The following INSC variants were observed in gnomAD, a reference collection of about 807,000 sequenced individuals.
The protein encoded by INSC is protein inscuteable homolog.
Under a neutral mutation model 58.6 loss-of-function variants are expected in INSC, and 67 were observed. The observed-to-expected ratio is 1.14, with a 90% CI of 0.94 to 1.40. The LOEUF (loss-of-function observed/expected upper bound fraction) is 1.40, where lower values mean the gene tolerates loss of function less well. Among genes scored for constraint, INSC ranks in the 40% most tolerant of loss-of-function variants. INSC has a pLI of 0.00. For missense variants in INSC, 714 were observed against 692.0 expected (o/e 1.03, Z -0.36); for synonymous variants, 262 against 276.1 (o/e 0.95, Z 0.51).
chr11:15,216,677 G>T (rs1344707514), intron 7 of INSC, among the ~76,000 whole-genome samples: 1 of 152,224 alleles, frequency 6.6e-6, no homozygotes, highest in Non-Finnish European at 1.5e-5. Flanking sequence ...GTTCTGGGCT[G>T]CATGACTGAT....
intron 8 of INSC, among the ~76,000 whole-genome samples, chr11:15,223,301 C>T (rs1368829269): frequency 3.3e-5 from 5 of 152,194 alleles, no homozygotes; most frequent in East Asian, 3.8e-4. Context: ...TGCTTCACTG[C>T]CCAGGCTGGG....
At chr11:15,261,456 T>A in the INSC span, among the ~76,000 whole-genome samples, 4 of 152,286 alleles carry the variant, frequency 2.6e-5, 1 homozygote, top group Middle Eastern at 0.01. Flanking sequence ...CCACATAAAC[T>A]CCATAATCTT....
At chr11:15,160,275 C>T (rs897246781) in intron 2 of INSC, among the ~76,000 whole-genome samples, 2 of 152,062 alleles carry the variant, frequency 1.3e-5, no homozygotes. Context: ...TGTGTAGAAG[C>T]CAGCAAGGTG....
intron 7 of INSC, among the ~76,000 whole-genome samples, chr11:15,215,063 G>T (rs2133915913): frequency 6.6e-6 from 1 of 152,272 alleles, no homozygotes; most frequent in African/African-American, 2.4e-5. Flanking sequence ...CCCACTCCCT[G>T]GGAAGAATCT....
At chr11:15,113,998 C>T (rs1405840279), upstream of INSC, among the ~76,000 whole-genome samples, 1 of 151,718 alleles carries the variant, frequency 6.6e-6, no homozygotes, top group Non-Finnish European at 1.5e-5. Flanking sequence ...ATCTTTCTGT[C>T]AGTAAGAGAG....
At chr11:15,153,632 A>G (rs985772310) in intron 2 of INSC, among the ~76,000 whole-genome samples, 2 of 152,276 alleles carry the variant, frequency 1.3e-5, no homozygotes, top group Admixed American at 6.5e-5. Flanking sequence ...AGAAATCCAC[A>G]GAAACATAGG....
intron 2 of INSC, among the ~76,000 whole-genome samples, chr11:15,149,929 G>A (rs1400069180): frequency 4.6e-5 from 7 of 152,130 alleles, no homozygotes; most frequent in Non-Finnish European, 8.8e-5. Flanking sequence ...ATTATTAGGA[G>A]GCAAGGCATG....
intron 12 of INSC, among the ~76,000 whole-genome samples, chr11:15,241,006 G>A (rs1945617): frequency 0.079 from 11,972 of 152,244 alleles, 984 homozygotes; most frequent in African/African-American, 0.21. Context: ...GAAGGAACAT[G>A]ACAAGACAGA....
chr11:15,194,289 C>T (rs972978728), intron 6 of INSC, among the ~76,000 whole-genome samples: 2 of 152,148 alleles, frequency 1.3e-5, no homozygotes, highest in African/African-American at 2.4e-5. Flanking sequence ...TTATGTCCTT[C>T]GGTAGACTTA....
chr11:15,230,015 TATATATATATATA>T (rs1851858548), intron 9 of INSC, among the ~76,000 whole-genome samples: 1 of 34,146 alleles, frequency 2.9e-5, no homozygotes, highest in Non-Finnish European at 5.1e-5. Flanking sequence ...ATATATATAA[TATATATATATATA>T]TATATATATA....
At chr11:15,200,790 A>T in intron 6 of INSC, 34 bp from the exon 7 acceptor site, 2 of 1,613,576 alleles carry the variant, frequency 1.2e-6, no homozygotes, top group Non-Finnish European at 1.7e-6. Context: ...AAGGTCACAC[A>T]GTAAGATGAT....
At chr11:15,221,306 G>C (rs1164217353) in intron 7 of INSC, among the ~76,000 whole-genome samples, 171 bp from the exon 8 acceptor site, 1 of 152,124 alleles carries the variant, frequency 6.6e-6, no homozygotes, top group Non-Finnish European at 1.5e-5. Context: ...GAGTCATTAT[G>C]AGGGCCTTAT....
intron 7 of INSC, among the ~76,000 whole-genome samples, chr11:15,206,833 A>G (rs60561405): frequency 0.06 from 9,099 of 152,250 alleles, 935 homozygotes; most frequent in African/African-American, 0.21. Flanking sequence ...TCTTGCAGCA[A>G]TGGTGCCTGC....
chr11:15,186,573 T>G (rs533554402), intron 5 of INSC, among the ~76,000 whole-genome samples: 1 of 152,216 alleles, frequency 6.6e-6, no homozygotes, highest in African/African-American at 2.4e-5. Context: ...TCCACATTTA[T>G]GTTCCTAAAT....
At chr11:15,158,520 G>A (rs1334486076) in intron 2 of INSC, among the ~76,000 whole-genome samples, 1 of 152,062 alleles carries the variant, frequency 6.6e-6, no homozygotes, top group Admixed American at 6.6e-5. Context: ...CTTCCTTTGT[G>A]TAAATATTCC....
At chr11:15,134,984 C>T (rs944001600) in intron 1 of INSC, among the ~76,000 whole-genome samples, 1 of 152,036 alleles carries the variant, frequency 6.6e-6, no homozygotes, top group Non-Finnish European at 1.5e-5. Flanking sequence ...TTTTTTAAGA[C>T]CTTACCACTT....
chr11:15,260,398 T>A, the INSC span, among the ~76,000 whole-genome samples: 1 of 152,160 alleles, frequency 6.6e-6, no homozygotes, highest in African/African-American at 2.4e-5. Context: ...AGTGTCTTTT[T>A]TTGATGTCAT....
chr11:15,260,921 A>G, the INSC span, among the ~76,000 whole-genome samples: 1 of 152,220 alleles, frequency 6.6e-6, no homozygotes, highest in Non-Finnish European at 1.5e-5. Flanking sequence ...GTCTAAAGAT[A>G]TTGGGTGCCT....
At chr11:15,255,163 ATATAT>A in the INSC span, among the ~76,000 whole-genome samples, 2 of 152,192 alleles carry the variant, frequency 1.3e-5, no homozygotes, top group African/African-American at 4.8e-5. Flanking sequence ...CTTGGTACAC[ATATAT>A]TTTATTTTAT....
Sources: allele counts gnomAD v4.1 joint callset (sites outside exome capture counted in the v4.1 genomes callset), GRCh38; gene constraint gnomAD v4.1.1; transcripts MANE v1.5; gene names NCBI Gene and HGNC (gene_info 2026-07-23, HGNC 2026-07-21).